CRADD: variants seen among roughly 807,000 people sequenced by gnomAD.
CRADD encodes CARD and death domain containing adaptor protein, also known as death domain-containing protein CRADD.
CRADD carries 9 observed loss-of-function variants against 15.5 expected under a neutral mutation model. The ratio of observed to expected loss-of-function variants is 0.58; its 90% CI spans 0.35 to 1.01. The LOEUF (loss-of-function observed/expected upper bound fraction) is 1.01. Ranked by LOEUF, CRADD falls within the 50% of genes least tolerant of loss-of-function variation. The probability of loss-of-function intolerance (pLI) is 0.02; values close to 1 mark genes in which losing one functional copy is unlikely to be tolerated. For missense variants in CRADD, 227 were observed against 250.3 expected, an observed-to-expected ratio of 0.91 and a Z score of 0.63; for synonymous variants, 118 against 107.6, an observed-to-expected ratio of 1.10 and a Z score of -0.60.
At chr12:93,791,075 G>T (rs1957344247) in intron 2 of CRADD, among the ~76,000 whole-genome samples, 1 of 152,056 alleles carries the variant, frequency 6.6e-6, no homozygotes, top group African/African-American at 2.4e-5. Flanking sequence ...ACTATATTAT[G>T]TAAATTAGTA....
At chr12:93,876,512 A>G (rs1958458556) in intron 2 of CRADD, among the ~76,000 whole-genome samples, 1 of 151,494 alleles carries the variant, frequency 6.6e-6, no homozygotes, top group South Asian at 2.1e-4. Context: ...ATTGTTATTC[A>G]TTTTTCTTTT....
At chr12:93,868,120 T>A (rs1416990722) in intron 2 of CRADD, among the ~76,000 whole-genome samples, 1 of 152,200 alleles carries the variant, frequency 6.6e-6, no homozygotes, top group Non-Finnish European at 1.5e-5. Context: ...AAATTATAAA[T>A]GTGGATTTAG....
chr12:93,838,502 C>T (rs1300208738), intron 2 of CRADD, among the ~76,000 whole-genome samples: 2 of 151,542 alleles, frequency 1.3e-5, no homozygotes, highest in Admixed American at 6.6e-5. Context: ...CTTGACCTTC[C>T]CTCTCTCACT....
chr12:93,704,334 C>T (rs1955901393), intron 2 of CRADD, among the ~76,000 whole-genome samples: 1 of 152,140 alleles, frequency 6.6e-6, no homozygotes, highest in Non-Finnish European at 1.5e-5. Context: ...AATGAGTGAG[C>T]TAAATGAAAC....
intron 2 of CRADD, among the ~76,000 whole-genome samples, chr12:93,755,494 C>T (rs915054168): frequency 6.6e-5 from 10 of 152,316 alleles, no homozygotes; most frequent in African/African-American, 2.4e-4. Context: ...TCTTCAGGTT[C>T]CAGGTGTTGG....
At chr12:93,714,369 C>G (rs1277444079) in intron 2 of CRADD, among the ~76,000 whole-genome samples, 4 of 152,162 alleles carry the variant, frequency 2.6e-5, no homozygotes, top group Admixed American at 2.6e-4. Flanking sequence ...TTATTTCACT[C>G]CCTGTGCTTT....
At chr12:93,727,267 T>C in intron 2 of CRADD, among the ~76,000 whole-genome samples, 1 of 152,208 alleles carries the variant, frequency 6.6e-6, no homozygotes, top group East Asian at 1.9e-4. Context: ...GACTGCTTAT[T>C]GTCGCCTTCT....
At chr12:93,790,308 A>G (rs1213392806) in intron 2 of CRADD, among the ~76,000 whole-genome samples, 1 of 152,020 alleles carries the variant, frequency 6.6e-6, no homozygotes, top group Non-Finnish European at 1.5e-5. Context: ...TTGAAACTCA[A>G]CTATAGGTGG....
intron 2 of CRADD, chr12:93,846,670 G>A (rs1192747453): frequency 6.6e-6 from 1 of 151,852 alleles, no homozygotes; most frequent in Admixed American, 6.6e-5. Context: ...TCCCAAGGAG[G>A]GGATTAAAGC....
chr12:93,885,453 G>T (rs909274818), intron 2 of CRADD, among the ~76,000 whole-genome samples: 2 of 141,788 alleles, frequency 1.4e-5, no homozygotes, highest in Non-Finnish European at 3.0e-5. Flanking sequence ...CCACCCCCCA[G>T]TCTGGTGCTT....
intron 2 of CRADD, among the ~76,000 whole-genome samples, chr12:93,689,698 G>A (rs1049854723): frequency 6.6e-6 from 1 of 152,134 alleles, no homozygotes; most frequent in Non-Finnish European, 1.5e-5. Flanking sequence ...TAATACCGCC[G>A]AGATGTACTA....
At chr12:93,890,636 C>T (rs908493875) in intron 2 of CRADD, among the ~76,000 whole-genome samples, 6 of 152,170 alleles carry the variant, frequency 3.9e-5, no homozygotes, top group Non-Finnish European at 7.3e-5. Context: ...TGCCATCCTG[C>T]TGTAAATGCA....
intron 2 of CRADD, chr12:93,733,778 A>T (rs1956512660): frequency 6.7e-6 from 1 of 148,456 alleles, no homozygotes; most frequent in Non-Finnish European, 1.5e-5. Flanking sequence ...TCACTCTGTC[A>T]CCCAGGCTAG....
intron 2 of CRADD, among the ~76,000 whole-genome samples, chr12:93,794,904 C>T (rs921530446): frequency 7.9e-5 from 12 of 152,280 alleles, no homozygotes; most frequent in African/African-American, 2.6e-4. Context: ...CAGTTCTCTT[C>T]TCTCTCCCTG....
chr12:93,840,560 CTT>C (rs59758072), intron 2 of CRADD, among the ~76,000 whole-genome samples: 124,088 of 149,852 alleles, frequency 0.83, 51,826 homozygotes, highest in African/African-American at 0.95. Context: ...TAACTAATTT[CTT>C]TTTTTTTTTT....
At chr12:93,880,498 T>C (rs1242195660) in intron 2 of CRADD, among the ~76,000 whole-genome samples, 3 of 152,218 alleles carry the variant, frequency 2.0e-5, no homozygotes, top group South Asian at 4.1e-4. Context: ...GGAATGGGAC[T>C]GCGCAGCTCA....
intron 2 of CRADD, among the ~76,000 whole-genome samples, chr12:93,796,412 C>G (rs1957419106): frequency 6.6e-6 from 1 of 152,010 alleles, no homozygotes; most frequent in African/African-American, 2.4e-5. Context: ...CAAGACCAGC[C>G]TGGGCAACAT....
chr12:93,719,379 A>G (rs1394665670), intron 2 of CRADD, among the ~76,000 whole-genome samples: 2 of 152,130 alleles, frequency 1.3e-5, no homozygotes, highest in East Asian at 3.9e-4. Context: ...TTTTGCGTTT[A>G]TGTTCAAGAG....
intron 2 of CRADD, among the ~76,000 whole-genome samples, chr12:93,753,183 C>T (rs1956848167): frequency 1.3e-5 from 2 of 152,078 alleles, no homozygotes; most frequent in South Asian, 2.1e-4. Flanking sequence ...AGGTGAACTA[C>T]CCTTTATGAA....
Sources: allele counts gnomAD v4.1 joint callset (sites outside exome capture counted in the v4.1 genomes callset), GRCh38; gene constraint gnomAD v4.1.1; transcripts MANE v1.5; gene names NCBI Gene and HGNC (gene_info 2026-07-23, HGNC 2026-07-21).